KIAA1328: variants seen among roughly 807,000 people sequenced by gnomAD.
The protein encoded by KIAA1328 is KIAA1328.
KIAA1328 carries 52 observed loss-of-function variants against 68.1 expected under a neutral mutation model. That is an observed-to-expected ratio of 0.76 (90% CI 0.61 to 0.96). KIAA1328 has a LOEUF of 0.96. Ranked by LOEUF, KIAA1328 falls within the 40% of genes least tolerant of loss-of-function variation. The pLI, the probability that KIAA1328 is intolerant of heterozygous loss-of-function variation, is 0.00. For synonymous variants in KIAA1328, 232 were observed against 239.4 expected (o/e 0.97, Z 0.28); for missense variants, 641 against 677.6 (o/e 0.95, Z 0.60).
intron 5 of KIAA1328, among the ~76,000 whole-genome samples, chr18:36,917,985 T>C (rs569894393): frequency 6.6e-6 from 1 of 152,268 alleles, no homozygotes; most frequent in African/African-American, 2.4e-5. Context: ...TTTTTTGTTT[T>C]TGTTTTTTTT....
At chr18:36,858,572 C>G (rs2047454812) in intron 4 of KIAA1328, among the ~76,000 whole-genome samples, 1 of 152,160 alleles carries the variant, frequency 6.6e-6, no homozygotes, top group African/African-American at 2.4e-5. Flanking sequence ...AACCCTTAAC[C>G]TATTCCCATT....
At chr18:36,941,663 C>T (rs1174173638) in intron 5 of KIAA1328, among the ~76,000 whole-genome samples, 1 of 151,960 alleles carries the variant, frequency 6.6e-6, no homozygotes, top group Admixed American at 6.6e-5. Context: ...CAGTAATACT[C>T]TCATGGAAAT....
intron 6 of KIAA1328, among the ~76,000 whole-genome samples, chr18:36,991,763 G>T (rs972116049): frequency 3.9e-5 from 6 of 152,158 alleles, no homozygotes; most frequent in African/African-American, 1.4e-4. Flanking sequence ...TTGGTTCAGG[G>T]CCTCTCTCCT....
At chr18:37,076,309 G>A (rs2151772990) in intron 7 of KIAA1328, among the ~76,000 whole-genome samples, 2 of 152,222 alleles carry the variant, frequency 1.3e-5, no homozygotes, top group Admixed American at 1.3e-4. Context: ...CAACATACCA[G>A]AATCTCTGGG....
chr18:36,895,724 G>A (rs1353029032), intron 5 of KIAA1328: 1 of 455,888 alleles, frequency 2.2e-6, no homozygotes, highest in South Asian at 1.6e-5. Flanking sequence ...ATATGTTGAA[G>A]CTCTAACCCC....
chr18:36,869,746 A>G (rs1012351840), intron 4 of KIAA1328, among the ~76,000 whole-genome samples: 42 of 152,366 alleles, frequency 2.8e-4, no homozygotes, highest in African/African-American at 9.1e-4. Flanking sequence ...GAGAAGAGGT[A>G]ACCAGAAATA....
intron 7 of KIAA1328, among the ~76,000 whole-genome samples, chr18:37,113,805 T>C (rs912580383): frequency 5.9e-5 from 9 of 152,060 alleles, no homozygotes; most frequent in Non-Finnish European, 1.3e-4. Context: ...AATAAAGGGA[T>C]GGAGGAAGAT....
intron 7 of KIAA1328, among the ~76,000 whole-genome samples, chr18:37,128,592 T>G (rs1411209569): frequency 6.6e-6 from 1 of 152,190 alleles, no homozygotes; most frequent in African/African-American, 2.4e-5. Context: ...TAAAATAGTT[T>G]GGGAAGTTTT....
chr18:36,938,908 A>T (rs1414700342), intron 5 of KIAA1328, among the ~76,000 whole-genome samples: 2 of 151,868 alleles, frequency 1.3e-5, no homozygotes, highest in South Asian at 2.1e-4. Context: ...GCGTGGGTTT[A>T]TTTTTTGGGT....
At chr18:36,938,360 G>A (rs184416573) in intron 5 of KIAA1328, among the ~76,000 whole-genome samples, 4 of 152,122 alleles carry the variant, frequency 2.6e-5, no homozygotes, top group East Asian at 3.9e-4. Flanking sequence ...TAGTGATGAT[G>A]AGCATTTTGT....
At chr18:37,046,925 G>T (rs918339831) in intron 6 of KIAA1328, among the ~76,000 whole-genome samples, 1 of 152,172 alleles carries the variant, frequency 6.6e-6, no homozygotes, top group Admixed American at 6.5e-5. Context: ...GAGGTCAGTA[G>T]TTCGAGACCG....
chr18:36,882,532 C>T (rs1028874221), intron 4 of KIAA1328, among the ~76,000 whole-genome samples: 8 of 151,950 alleles, frequency 5.3e-5, no homozygotes, highest in Non-Finnish European at 1.2e-4. Context: ...ATAGGCCTAT[C>T]GAAAAAATGT....
At chr18:36,850,082 G>C (rs903696095) in intron 4 of KIAA1328, among the ~76,000 whole-genome samples, 42 of 151,722 alleles carry the variant, frequency 2.8e-4, no homozygotes, top group Admixed American at 2.7e-3. Flanking sequence ...TGGATTTTTA[G>C]ATATTCTGGA....
At chr18:37,167,114 C>T (rs1251301631) in intron 8 of KIAA1328, among the ~76,000 whole-genome samples, 1 of 152,110 alleles carries the variant, frequency 6.6e-6, no homozygotes, top group Non-Finnish European at 1.5e-5. Context: ...GGGAGTGGCT[C>T]GCTTCTTCAG....
chr18:37,058,235 C>A (rs1342530112), intron 6 of KIAA1328, among the ~76,000 whole-genome samples: 1 of 152,100 alleles, frequency 6.6e-6, no homozygotes, highest in Non-Finnish European at 1.5e-5. Flanking sequence ...TTTTCCCCCA[C>A]CTGAGACCCC....
At chr18:37,040,812 A>T (rs1285638063) in intron 6 of KIAA1328, among the ~76,000 whole-genome samples, 1 of 151,622 alleles carries the variant, frequency 6.6e-6, no homozygotes, top group African/African-American at 2.4e-5. Flanking sequence ...TTTTCAATCC[A>T]TGATTTTAGA....
intron 7 of KIAA1328, among the ~76,000 whole-genome samples, chr18:37,098,787 C>T (rs914542692): frequency 6.6e-6 from 1 of 152,094 alleles, no homozygotes; most frequent in Non-Finnish European, 1.5e-5. Context: ...TCAACTTCTT[C>T]CTGGTTTTGT....
At chr18:37,113,181 A>G (rs1009820698) in intron 7 of KIAA1328, among the ~76,000 whole-genome samples, 2 of 152,168 alleles carry the variant, frequency 1.3e-5, no homozygotes, top group Non-Finnish European at 2.9e-5. Context: ...ATCCTCGAGA[A>G]GAGCAACTCC....
At chr18:36,944,578 C>CAA (rs199639972) in intron 5 of KIAA1328, among the ~76,000 whole-genome samples, 14 of 148,798 alleles carry the variant, frequency 9.4e-5, no homozygotes, top group Admixed American at 4.7e-4. Flanking sequence ...GACTCTGTCT[C>CAA]AAAAAAAAAA....
Sources: gnomAD v4.1 joint callset for allele counts (sites outside exome capture counted in the v4.1 genomes callset) on GRCh38, gnomAD v4.1.1 for gene constraint, MANE v1.5 for transcripts, NCBI Gene and HGNC (gene_info 2026-07-23, HGNC 2026-07-21) for gene names.